Variants in RFT1 observed in about 807,000 individuals in gnomAD.
The protein encoded by RFT1 is man(5)GlcNAc(2)-PP-dolichol translocation protein RFT1.
In RFT1, 43 loss-of-function variants were observed where a neutral mutation model predicts 62.2. The observed-to-expected ratio is 0.69, with a 90% CI of 0.54 to 0.89. RFT1 has a LOEUF of 0.89. RFT1 is among the 40% of genes least tolerant of loss of function. The pLI is 0.00. For missense variants in RFT1, 605 were observed against 649.9 expected (o/e 0.93, Z 0.75); for synonymous variants, 262 against 264.6 (o/e 0.99, Z 0.10).
At chr3:53,099,538 T>C in intron 10 of RFT1, 52 bp from the exon 11 acceptor site, 1 of 1,421,040 alleles carries the variant, frequency 7.0e-7, no homozygotes, top group Non-Finnish European at 9.9e-7. Flanking sequence ...AAGGCCCACA[T>C]GTACCCTCAG....
downstream of RFT1, among the ~76,000 whole-genome samples, chr3:53,086,190 A>C (rs753387198): frequency 6.6e-6 from 1 of 152,244 alleles, no homozygotes; most frequent in Non-Finnish European, 1.5e-5. Context: ...TTTCGTCTGC[A>C]TCTGATTGTC....
chr3:53,097,742 C>T (rs967085211), intron 11 of RFT1, among the ~76,000 whole-genome samples: 6 of 152,226 alleles, frequency 3.9e-5, no homozygotes, highest in East Asian at 1.9e-4. Context: ...TCTAACAGTG[C>T]CTCATTTCAC....
At chr3:53,094,676 C>T (rs1701092493) in intron 11 of RFT1, among the ~76,000 whole-genome samples, 1 of 152,080 alleles carries the variant, frequency 6.6e-6, no homozygotes, top group South Asian at 2.1e-4. Flanking sequence ...GTCTACTATA[C>T]CAATCCTTGG....
chr3:53,104,310 T>TA (rs1701403530), intron 9 of RFT1, among the ~76,000 whole-genome samples: 1 of 152,194 alleles, frequency 6.6e-6, no homozygotes, highest in Non-Finnish European at 1.5e-5. Context: ...GGGGGAGGGT[T>TA]AGTTTTCAAT....
chr3:53,123,748 T>G lies in RFT1; in HGVS notation c.242A>C (p.Gln81Pro), dbSNP rs1702031423. 2 of 1,613,996 alleles carry G rather than the reference T, an allele frequency of 1.2e-6. No individual in the cohort carries two copies. The highest frequency in any genetic ancestry group is 1.7e-6 in the Non-Finnish European group (2 of 1,179,928). Residue 81 changes from glutamine to proline, a missense_variant, in exon 3 of 13, where the codon CAG becomes CCG. By Grantham distance (76) the Gln-to-Pro change is moderately conservative (BLOSUM62 -1). Coordinates refer to ENST00000296292, the MANE Select transcript of RFT1 (RefSeq NM_052859.4). Reference protein sequence around the residue: ...LSGGTQRDWSQTLNLLWLTVP... With the variant: ...LSGGTQRDWSPTLNLLWLTVP... ...CGTTAGCCACAGCAGGTTGAGGGTC[T>G]GGCTCCAGTCTCGCTGGGTGCCCCC...
the RFT1 span, among the ~76,000 whole-genome samples, chr3:53,070,916 G>C: frequency 6.6e-6 from 1 of 151,606 alleles, no homozygotes; most frequent in Admixed American, 6.6e-5. Context: ...ATTTTTAGTA[G>C]AGACAGGGTT....
At chr3:53,127,618 C>T (rs917533623) in intron 1 of RFT1, among the ~76,000 whole-genome samples, 1 of 146,976 alleles carries the variant, frequency 6.8e-6, no homozygotes, top group African/African-American at 2.5e-5. Context: ...AGGAGAATGG[C>T]GTGAAGCCTG....
At chr3:53,103,299 A>C in intron 10 of RFT1, 1 of 985,082 alleles carries the variant, frequency 1.0e-6, no homozygotes, top group Non-Finnish European at 1.2e-6. Flanking sequence ...GCTAAACCCA[A>C]GATGAAGCAC....
In RFT1 at chr3:53,091,721, C is replaced by T. The variant is rs550906487; in HGVS notation, c.*182G>A. 2.2e-5 allele frequency: 15 copies of T among 666,850 alleles called. No homozygotes were observed. Among genetic ancestry groups the T allele is most frequent in the South Asian group, 6.6e-5 (4 of 60,414 alleles). The allele number at this position is 666,850 out of a possible 1,614,324, so 41.3% of individuals were successfully genotyped here. On this transcript the variant is annotated 3_prime_UTR_variant, in exon 13 of 13. Transcript: ENST00000296292. Reference sequence around the variant, plus strand: ...TCACTTAAAAATGAAACTCCCCCCCCGCATTTCAGACTTCGAATGGTCACA... The same window carrying T: ...TCACTTAAAAATGAAACTCCCCCCCTGCATTTCAGACTTCGAATGGTCACA...
chr3:53,125,808 C>T (rs1304950635), intron 2 of RFT1, 101 bp downstream of exon 2: 4 of 909,100 alleles, frequency 4.4e-6, no homozygotes, highest in Non-Finnish European at 5.3e-6. Flanking sequence ...TGATAAAGGT[C>T]CATGCTTCTA....
chr3:53,080,246 G>A, the RFT1 span, among the ~76,000 whole-genome samples: 1 of 152,360 alleles, frequency 6.6e-6, no homozygotes. Flanking sequence ...GTCCTGGGGA[G>A]GTGTGCGGAA....
chr3:53,079,275 C>A, the RFT1 span, among the ~76,000 whole-genome samples: 2 of 152,144 alleles, frequency 1.3e-5, no homozygotes, highest in Non-Finnish European at 2.9e-5. Flanking sequence ...TGATGGATCC[C>A]CACTACTCAG....
intron 4 of RFT1, 55 bp downstream of exon 4, chr3:53,122,319 A>G (rs1559597536): frequency 6.5e-7 from 1 of 1,545,646 alleles, no homozygotes; most frequent in Non-Finnish European, 8.9e-7. Flanking sequence ...TTTTTAAAAA[A>G]CAACGCTTTT....
At chr3:53,092,900 A>C (rs188058270) in intron 11 of RFT1, among the ~76,000 whole-genome samples, 2 of 152,350 alleles carry the variant, frequency 1.3e-5, no homozygotes, top group East Asian at 3.9e-4. Flanking sequence ...TGTTCAGCCC[A>C]AGTCCTCAAT....
intron 2 of RFT1, among the ~76,000 whole-genome samples, chr3:53,125,342 T>C (rs1022477801): frequency 1.1e-4 from 17 of 152,230 alleles, no homozygotes; most frequent in Admixed American, 4.6e-4. Context: ...GTGGGTGTCC[T>C]TGAACAGAAA....
At chr3:53,069,536 AG>A in the RFT1 span, among the ~76,000 whole-genome samples, 1 of 152,124 alleles carries the variant, frequency 6.6e-6, no homozygotes, top group African/African-American at 2.4e-5. Context: ...CAGAGAGGTG[AG>A]GGGGAAAAAG....
rs748400773 is a variant in RFT1, at chr3:53,092,541, A to G, written c.1286T>C (p.Val429Ala). The G allele has an allele frequency of 8.1e-6, 13 of 1,612,520 alleles. No individual in the cohort carries two copies. The South Asian group carries it at 1.4e-4, about 18-fold the overall frequency. Residue 429 changes from valine to alanine, a missense_variant, in exon 12 of 13, where the codon GTG (valine) becomes GCG (alanine). Coordinates refer to ENST00000296292, the MANE Select transcript of RFT1 (RefSeq NM_052859.4). ...AAAGCAGTTGGCCAAGATGAAGCCC[A>G]CGCTGCCACACCAACGGGTCAAGAG... Reference protein sequence around the residue: ...SYLLTRWCGSVGFILANCFNM... With the variant: ...SYLLTRWCGSAGFILANCFNM...
At chr3:53,112,471 G>A (rs1434239311) in intron 6 of RFT1, among the ~76,000 whole-genome samples, 1 of 152,214 alleles carries the variant, frequency 6.6e-6, no homozygotes, top group African/African-American at 2.4e-5. Flanking sequence ...GCCAGGCGAG[G>A]TTGCTCACGC....
chr3:53,113,052 A>G (rs943866800), intron 6 of RFT1, among the ~76,000 whole-genome samples: 2 of 152,116 alleles, frequency 1.3e-5, no homozygotes. Flanking sequence ...GTCTCACTCT[A>G]TCACCCAGGT....
Sources: allele counts gnomAD v4.1 joint callset (sites outside exome capture counted in the v4.1 genomes callset), GRCh38; gene constraint gnomAD v4.1.1; transcripts MANE v1.5; gene names NCBI Gene and HGNC (gene_info 2026-07-23, HGNC 2026-07-21).